ASIC2: variants seen among roughly 807,000 people sequenced by gnomAD.
The protein encoded by ASIC2 is acid-sensing ion channel 2.
ASIC2 carries 25 observed loss-of-function variants against 57.3 expected under a neutral mutation model. That is an observed-to-expected ratio of 0.44 (90% CI 0.32 to 0.61). The LOEUF (loss-of-function observed/expected upper bound fraction) is 0.61. ASIC2 is among the 20% of genes least tolerant of loss of function. The probability of loss-of-function intolerance (pLI) is 0.06; values close to 1 mark genes in which losing one functional copy is unlikely to be tolerated. For missense variants in ASIC2, 641 were observed against 738.1 expected, an observed-to-expected ratio of 0.87 and a Z score of 1.52; for synonymous variants, 319 against 307.5, an observed-to-expected ratio of 1.04 and a Z score of -0.39.
chr17:33,212,055 C>G (rs1488207109), intron 1 of ASIC2, among the ~76,000 whole-genome samples: 1 of 152,136 alleles, frequency 6.6e-6, no homozygotes, highest in Non-Finnish European at 1.5e-5. Context: ...GTAGCAAGCG[C>G]CAGAGCTAGG....
chr17:33,486,864 C>T (rs1342117246), intron 1 of ASIC2, among the ~76,000 whole-genome samples: 2 of 152,114 alleles, frequency 1.3e-5, no homozygotes, highest in South Asian at 2.1e-4. Context: ...GGGAGAACCA[C>T]CAAGTGAGAA....
chr17:34,147,195 G>C (rs1277909895), intron 1 of ASIC2: 3 of 152,142 alleles, frequency 2.0e-5, no homozygotes, highest in Non-Finnish European at 4.4e-5. Context: ...GGTACAGGTT[G>C]GCAAGTCCTT....
At chr17:33,760,995 C>G (rs1022528778) in intron 1 of ASIC2, among the ~76,000 whole-genome samples, 2 of 152,174 alleles carry the variant, frequency 1.3e-5, no homozygotes, top group African/African-American at 4.8e-5. Context: ...TAATTTTTGG[C>G]TGAATGGGAT....
At chr17:33,142,151 A>G (rs547677563) in intron 1 of ASIC2, among the ~76,000 whole-genome samples, 1 of 152,224 alleles carries the variant, frequency 6.6e-6, no homozygotes, top group African/African-American at 2.4e-5. Flanking sequence ...AGCTCCATAC[A>G]TAGTAATTAA....
intron 1 of ASIC2, among the ~76,000 whole-genome samples, chr17:33,482,541 C>G (rs1913440216): frequency 6.6e-6 from 1 of 152,194 alleles, no homozygotes; most frequent in African/African-American, 2.4e-5. Flanking sequence ...AATATGTTCA[C>G]CTTCATTTTC....
intron 1 of ASIC2, among the ~76,000 whole-genome samples, chr17:33,799,450 C>A (rs1373993423): frequency 3.7e-5 from 3 of 80,790 alleles, no homozygotes; most frequent in African/African-American, 1.3e-4. Context: ...TTCTTTCTTT[C>A]TTTCTTTCTT....
chr17:33,561,911 A>T (rs186400063), intron 1 of ASIC2, among the ~76,000 whole-genome samples: 4 of 152,230 alleles, frequency 2.6e-5, no homozygotes, highest in Non-Finnish European at 4.4e-5. Flanking sequence ...GTGCACAAGC[A>T]TCCCTCTAGT....
chr17:33,858,146 G>A (rs1914010726), intron 1 of ASIC2, among the ~76,000 whole-genome samples: 1 of 152,166 alleles, frequency 6.6e-6, no homozygotes, highest in African/African-American at 2.4e-5. Context: ...TGGGCCAGTT[G>A]TTCACCCCAG....
intron 1 of ASIC2, among the ~76,000 whole-genome samples, chr17:33,275,742 A>C (rs991665511): frequency 1.7e-4 from 26 of 152,120 alleles, no homozygotes; most frequent in Non-Finnish European, 2.9e-4. Flanking sequence ...CCTTACCCTT[A>C]CCCACTCCAC....
chr17:33,045,171 G>A (rs1054649620), intron 3 of ASIC2, among the ~76,000 whole-genome samples: 4 of 152,090 alleles, frequency 2.6e-5, no homozygotes, highest in African/African-American at 4.8e-5. Context: ...TCCTACCCAC[G>A]CACTAGTAGG....
rs1045012096 is a variant in ASIC2 at position 33,362,068 on chromosome 17, G to C, written c.556-250001C>G. Among the ~76,000 whole-genome samples the C allele has an allele frequency of 2.6e-5, 4 of 152,292 alleles. No individual in the cohort carries two copies. In the East Asian group the frequency reaches 7.7e-4, roughly 29 times the overall value. ...ACCTCGGGTAGAACTAGTTGGGAGTGGTGGACACTCAACTTTTCTTCCATC... is the reference window on the plus strand; with the variant it reads ...ACCTCGGGTAGAACTAGTTGGGAGTCGTGGACACTCAACTTTTCTTCCATC... On this transcript the variant is annotated intron_variant, in intron 1 of 9. Coordinates refer to the ASIC2 transcript ENST00000359872.
intron 1 of ASIC2, among the ~76,000 whole-genome samples, chr17:33,955,775 T>G (rs1904716470): frequency 6.6e-6 from 1 of 152,150 alleles, no homozygotes; most frequent in Non-Finnish European, 1.5e-5. Flanking sequence ...GTCCTGCATT[T>G]TAATAATCCC....
At chr17:33,547,465 T>A (rs1261789017) in intron 1 of ASIC2, among the ~76,000 whole-genome samples, 1 of 152,196 alleles carries the variant, frequency 6.6e-6, no homozygotes, top group South Asian at 2.1e-4. Context: ...TCTTTCCTCC[T>A]GGTCTGGACC....
intron 1 of ASIC2, among the ~76,000 whole-genome samples, chr17:33,351,989 G>T (rs1028866687): frequency 1.3e-5 from 2 of 151,998 alleles, no homozygotes; most frequent in Non-Finnish European, 2.9e-5. Context: ...GCATGCTCAG[G>T]ACTCACCGCC....
rs1176886035 is a variant in ASIC2, at chr17:33,490,539, C to A, written c.556-378472G>T. Among the ~76,000 whole-genome samples the A allele has an allele frequency of 3.3e-5, 5 of 152,256 alleles. No homozygotes were observed. In the East Asian group the frequency reaches 9.7e-4, roughly 29 times the overall value. On this transcript the variant is annotated intron_variant, in intron 1 of 9. Transcript: ENST00000359872. The stretch of plus-strand genomic sequence containing the variant: ...GGGAGCAAGTGTTTTCCATGCCGTT[C>A]CATTGATAGTGAATAAGTCTCATGA...
intron 1 of ASIC2, chr17:33,291,135 T>A: frequency 1.8e-6 from 1 of 555,248 alleles, no homozygotes; most frequent in Non-Finnish European, 2.9e-6. Flanking sequence ...CCATAAGGAG[T>A]AGAATGAGGG....
At chr17:33,226,485 T>A (rs1353477442) in intron 1 of ASIC2, among the ~76,000 whole-genome samples, 9 of 152,316 alleles carry the variant, frequency 5.9e-5, no homozygotes. Context: ...CTATGGTGCT[T>A]GTTCTCAGAT....
At chr17:33,522,996 G>C (rs1327308817) in intron 1 of ASIC2, among the ~76,000 whole-genome samples, 1 of 151,970 alleles carries the variant, frequency 6.6e-6, no homozygotes, top group Non-Finnish European at 1.5e-5. Flanking sequence ...AGGAAGGAAA[G>C]TGATCTACAC....
At chr17:33,373,815 A>G (rs1447811945) in intron 1 of ASIC2, among the ~76,000 whole-genome samples, 1 of 151,500 alleles carries the variant, frequency 6.6e-6, no homozygotes, top group Admixed American at 6.6e-5. Context: ...AGTAGCTGGG[A>G]TTACAGAGGC....
Sources: allele counts gnomAD v4.1 joint callset (sites outside exome capture counted in the v4.1 genomes callset), GRCh38; gene constraint gnomAD v4.1.1; transcripts MANE v1.5; gene names NCBI Gene and HGNC (gene_info 2026-07-23, HGNC 2026-07-21).